TLL1: variants seen among roughly 807,000 people sequenced by gnomAD.
TLL1 encodes tolloid like 1.
Under a neutral mutation model 128.2 loss-of-function variants are expected in TLL1, and 49 were observed. The ratio of observed to expected loss-of-function variants is 0.38; its 90% confidence interval spans 0.30 to 0.48. TLL1 has a LOEUF of 0.48. Ranked by LOEUF, TLL1 falls within the 20% of genes least tolerant of loss-of-function variation. The pLI is 0.96. For missense variants in TLL1, 1,123 were observed against 1,242.0 expected, an observed-to-expected ratio of 0.90 and a Z score of 1.44; for synonymous variants, 454 against 418.8, an observed-to-expected ratio of 1.08 and a Z score of -1.03.
intron 1 of TLL1, among the ~76,000 whole-genome samples, chr4:165,898,875 G>T (rs1277666252): frequency 1.3e-5 from 2 of 152,062 alleles, no homozygotes; most frequent in Admixed American, 6.6e-5. Context: ...TTTTTGGTTG[G>T]CAGCCTATTA....
intron 1 of TLL1, among the ~76,000 whole-genome samples, chr4:165,905,498 A>C (rs1732207363): frequency 6.6e-6 from 1 of 152,164 alleles, no homozygotes; most frequent in East Asian, 1.9e-4. Flanking sequence ...TAATGTCTTG[A>C]TTCACAAAGG....
chr4:165,917,337 C>A (rs1732829167), intron 1 of TLL1, among the ~76,000 whole-genome samples: 2 of 152,110 alleles, frequency 1.3e-5, no homozygotes, highest in South Asian at 4.1e-4. Flanking sequence ...TCTCTGGAGT[C>A]AAGTCTGCCT....
chr4:165,950,708 T>G (rs1190201258), intron 1 of TLL1, among the ~76,000 whole-genome samples: 2 of 152,096 alleles, frequency 1.3e-5, no homozygotes, highest in African/African-American at 4.8e-5. Context: ...GGAGGAAATA[T>G]TTTGAACTGA....
intron 1 of TLL1, among the ~76,000 whole-genome samples, chr4:165,899,734 AGGTCCACTT>A (rs1490058980): frequency 6.6e-6 from 1 of 152,186 alleles, no homozygotes; most frequent in Non-Finnish European, 1.5e-5. Flanking sequence ...GATGTCTATC[AGGTCCACTT>A]GGTCCAGAGC....
At chr4:166,062,052 G>C (rs1740340563) in intron 15 of TLL1, among the ~76,000 whole-genome samples, 2 of 151,936 alleles carry the variant, frequency 1.3e-5, no homozygotes, top group South Asian at 2.1e-4. Context: ...ATTTCTGAGG[G>C]CTCTGTTCTG....
At chr4:166,099,626 CAA>C (rs34057891) in intron 20 of TLL1, 99 bp downstream of exon 20, 48,177 of 919,576 alleles carry the variant, frequency 0.052, no homozygotes, top group East Asian at 0.091. Flanking sequence ...ATGCTTTTTG[CAA>C]AAAAAAAAAA....
At chr4:165,889,524 A>G (rs556334935) in intron 1 of TLL1, among the ~76,000 whole-genome samples, 12 of 152,368 alleles carry the variant, frequency 7.9e-5, no homozygotes, top group African/African-American at 2.9e-4. Context: ...CAAACTACCT[A>G]TTGTGATTTG....
Position 165,945,401 on chromosome 4 carries a change from C to G in TLL1, c.170-43980C>G, listed in dbSNP as rs144642571. Among the ~76,000 whole-genome samples, 429 of 152,068 alleles carry G rather than the reference C, an allele frequency of 2.8e-3. 2 individuals are homozygous for G. Among genetic ancestry groups the G allele is most frequent in the African/African-American group, 8.8e-3 (365 of 41,506 alleles). On this transcript the variant is annotated intron_variant, in intron 1 of 20. Coordinates refer to ENST00000061240, the MANE Select transcript of TLL1 (RefSeq NM_012464.5). ...TTGAAAAGAATGATACATATTGGAG[C>G]AATTTATATGTTGACAGAAGTTGTC...
At chr4:166,078,136 G>C (rs1741121122) in intron 18 of TLL1, 106 bp downstream of exon 18, 7 of 1,542,196 alleles carry the variant, frequency 4.5e-6, no homozygotes, top group Non-Finnish European at 6.2e-6. Context: ...TCGAATCGTA[G>C]GCAGCTGGAA....
chr4:166,081,523 C>T (rs1579719423), intron 18 of TLL1, among the ~76,000 whole-genome samples: 1 of 152,132 alleles, frequency 6.6e-6, no homozygotes, highest in African/African-American at 2.4e-5. Context: ...CTCGTATCTG[C>T]AGTTTCCGTT....
rs768774981 is a variant in TLL1 at position 166,065,792 on chromosome 4, A to G, written c.2117A>G (p.Asn706Ser). ...CCTGAAGTGATCACATCCCAGTTCA[A>G]CAATATGAGAATTGAATTCAAATCT... ...EVPEVITSQF[N>S]NMRIEFKSDN... The change falls in exon 16 of 21, where the codon AAC (asparagine) becomes AGC (serine). Residue 706 changes from asparagine to serine, a missense_variant. Transcript: ENST00000061240. 13 of 1,613,086 alleles carry G rather than the reference A, an allele frequency of 8.1e-6. No individual in the cohort carries two copies. The East Asian group carries it at 2.5e-4, about 30-fold the overall frequency.
intron 1 of TLL1, among the ~76,000 whole-genome samples, chr4:165,891,126 G>C (rs1186172005): frequency 6.6e-6 from 1 of 152,114 alleles, no homozygotes; most frequent in Non-Finnish European, 1.5e-5. Context: ...AAGTCACTAA[G>C]TGTTGAGACG....
chr4:166,098,826 G>A (rs776902768), intron 19 of TLL1, among the ~76,000 whole-genome samples: 2 of 152,052 alleles, frequency 1.3e-5, no homozygotes, highest in African/African-American at 4.8e-5. Flanking sequence ...GATTAAACTT[G>A]AGTTAATACT....
intron 1 of TLL1, among the ~76,000 whole-genome samples, chr4:165,936,206 A>ATTTTTTTTTTTTTTTTTTTT (rs199985086): frequency 3.6e-5 from 5 of 139,598 alleles, no homozygotes; most frequent in African/African-American, 5.3e-5. Flanking sequence ...ATATATATAT[A>ATTTTTTTTTTTTTTTTTTTT]TTTTTTTTTC....
chr4:166,028,771 A>G (rs1738623147), intron 9 of TLL1, among the ~76,000 whole-genome samples: 1 of 151,968 alleles, frequency 6.6e-6, no homozygotes, highest in Admixed American at 6.6e-5. Context: ...TATTTCGTCT[A>G]TTATTAATAA....
chr4:166,038,245 T>TCTTC (rs772231614), intron 9 of TLL1, among the ~76,000 whole-genome samples: 10 of 152,172 alleles, frequency 6.6e-5, no homozygotes, highest in Non-Finnish European at 1.2e-4. Flanking sequence ...TTTCTTCTTT[T>TCTTC]TTTCTTCCTT....
At chr4:166,086,585 G>T (rs547567016) in intron 18 of TLL1, among the ~76,000 whole-genome samples, 1 of 152,030 alleles carries the variant, frequency 6.6e-6, no homozygotes, top group African/African-American at 2.4e-5. Context: ...GCAACATGGC[G>T]GTCTCAAAGG....
intron 17 of TLL1, among the ~76,000 whole-genome samples, chr4:166,075,669 CT>C (rs1191672234): frequency 6.6e-6 from 1 of 152,148 alleles, no homozygotes; most frequent in African/African-American, 2.4e-5. Context: ...TTATTTCTTC[CT>C]TTGACAGTCT....
intron 17 of TLL1, 74 bp from the exon 18 acceptor site, chr4:166,077,829 A>T: frequency 6.2e-7 from 1 of 1,605,352 alleles, no homozygotes; most frequent in Non-Finnish European, 8.5e-7. Context: ...GCAGTGGGTA[A>T]ATAGGCTGCT....
Sources: gnomAD v4.1 joint callset for allele counts (sites outside exome capture counted in the v4.1 genomes callset) on GRCh38, gnomAD v4.1.1 for gene constraint, MANE v1.5 for transcripts, NCBI Gene and HGNC (gene_info 2026-07-23, HGNC 2026-07-21) for gene names.